TJAP1: variants seen among roughly 807,000 people sequenced by gnomAD.
TJAP1 encodes the protein tight junction associated protein 1, also known as tight junction-associated protein 1.
In TJAP1, 27 loss-of-function variants were observed where a neutral mutation model predicts 42.0. That is an observed-to-expected ratio of 0.64 (90% confidence interval 0.47 to 0.89). The LOEUF (loss-of-function observed/expected upper bound fraction) is 0.89. TJAP1 is among the 40% of genes least tolerant of loss of function. The pLI is 0.00. For synonymous variants in TJAP1, 257 were observed against 288.4 expected, an observed-to-expected ratio of 0.89 and a Z score of 1.10; for missense variants, 712 against 726.9, an observed-to-expected ratio of 0.98 and a Z score of 0.24.
In TJAP1 at chr6:43,504,898, G is replaced by A. The variant is rs770976188; in HGVS notation, c.717G>A (p.Pro239=). 2.0e-5 allele frequency: 32 copies of A among 1,614,094 alleles called. 1 individual carries two copies. Among genetic ancestry groups the A allele is most frequent in the Non-Finnish European group, 2.6e-5 (31 of 1,180,046 alleles). ...TCATTGCCCGAGTGTTAGAGAAGCC[G>A]GAGTCTCTACTGCTCAATTCAGCCC... The change falls in exon 11 of 11, where the codon CCG becomes CCA. Residue 239 remains proline, a synonymous_variant. Coordinates refer to ENST00000372449, the Ensembl canonical transcript of TJAP1.
At position 43,505,742 on chromosome 6, in the gene TJAP1, C is replaced by T. The variant is rs1204803647; in HGVS notation, c.1561C>T (p.Pro521Ser). 4 of 1,536,032 alleles carry T rather than the reference C, an allele frequency of 2.6e-6. No homozygotes were observed. Among genetic ancestry groups the T allele is most frequent in the Non-Finnish European group, 3.5e-6 (4 of 1,145,116 alleles). ...TTCCCACACCGAGGGCAGGGCCTGGCCACTCCCCAGCTCCAGTCGCCCCCA... is the reference window on the plus strand; with the variant it reads ...TTCCCACACCGAGGGCAGGGCCTGGTCACTCCCCAGCTCCAGTCGCCCCCA... Residue 521 changes from proline (P) to serine (S), a missense_variant, in exon 11 of 11, where the codon CCA becomes TCA. This residue lies in a region of TJAP1 where 549 missense variants were observed against 528.2 expected (regional missense o/e 1.04). Coordinates refer to ENST00000372449, the Ensembl canonical transcript of TJAP1. This position sits in a 1 kb window ranked among gnomAD's most constrained non-coding sequence, Gnocchi z 5.5.
rs776325976 is a variant in TJAP1 at position 43,505,702 on chromosome 6, G to C, written c.1521G>C (p.Glu507Asp). 4 of 1,594,026 alleles carry C rather than the reference G, an allele frequency of 2.5e-6. No homozygotes were observed. In the African/African-American group the frequency reaches 5.4e-5, roughly 21 times the overall value. The change falls in exon 11 of 11, where the codon GAG (glutamate) becomes GAC (aspartate). Residue 507 changes from glutamate (E) to aspartate (D), a missense_variant. By Grantham distance (45) the Glu-to-Asp change is conservative. Transcript: ENST00000372449. This position sits in a 1 kb window ranked among gnomAD's most constrained non-coding sequence, Gnocchi z 5.5. ...TGCTGCCCATTAACAGGGGCACAGA[G>C]GAGGGGCCAGGCACTTCCCACACCG...
intron 5 of TJAP1, 48 bp downstream of exon 5, chr6:43,500,820 C>T (rs1287483402): frequency 1.2e-6 from 2 of 1,607,954 alleles, no homozygotes; most frequent in Non-Finnish European, 1.7e-6. Context: ...CTCTGTCCCT[C>T]TTAGCTCCAG....
intron 2 of TJAP1, among the ~76,000 whole-genome samples, chr6:43,488,216 CAATATT>C (rs1379726880): frequency 2.0e-5 from 3 of 151,910 alleles, no homozygotes; most frequent in African/African-American, 4.9e-5. Context: ...CACCAAAACT[CAATATT>C]AATACAGACT....
chr6:43,501,702 GGC>G lies in TJAP1; in HGVS notation c.290+16_290+17del. ...AAGTTCCGCAGGTGTGGGAATGAGGGGCCAGACACACACACACACACACACAC... is the reference window on the plus strand; with the variant it reads ...AAGTTCCGCAGGTGTGGGAATGAGGGCAGACACACACACACACACACACAC... On this transcript the variant is annotated intron_variant, in intron 6 of 10. Transcript: ENST00000372449. 1 of 744,812 alleles carries G rather than the reference GGC, an allele frequency of 1.3e-6. No individual in the cohort carries two copies. Among genetic ancestry groups the G allele is most frequent in the Non-Finnish European group, 2.4e-6 (1 of 416,978 alleles). The allele number at this position is 744,812 out of a possible 1,614,324, so 46.1% of individuals were successfully genotyped here.
chr6:43,499,776 C>T (rs939376794), intron 4 of TJAP1, among the ~76,000 whole-genome samples: 23 of 152,252 alleles, frequency 1.5e-4, no homozygotes, highest in African/African-American at 4.8e-4. Context: ...GAACCTGAGA[C>T]GCAGCATGTG....
rs1451613073 is a variant in TJAP1, at chr6:43,502,827, A to G, written c.387+210A>G. 3 of 632,870 alleles carry G rather than the reference A, an allele frequency of 4.7e-6. No individual in the cohort carries two copies. The African/African-American group carries it at 5.5e-5, about 12-fold the overall frequency. 39.2% of individuals were successfully genotyped at this position (632,870 alleles called of 1,614,324 possible). A position where few individuals can be genotyped will look rare whatever the true frequency, so the allele number is the denominator to read the frequency against. On this transcript the variant is annotated intron_variant, in intron 8 of 10. Coordinates refer to ENST00000372449, the Ensembl canonical transcript of TJAP1. ...CTCTGCCCTTGGCTCTGGTAGAGGT[A>G]CTGATTGATGTCTCCACTGAACACC... is the stretch of plus-strand genomic sequence containing the variant.
At position 43,505,083 on chromosome 6, in the gene TJAP1, C is replaced by G. The variant is rs769267252; in HGVS notation, c.902C>G (p.Pro301Arg). The G allele has an allele frequency of 6.2e-7, 1 of 1,614,104 alleles. No homozygotes were observed. Among genetic ancestry groups the G allele is most frequent in the Admixed American group, 1.7e-5 (1 of 60,026 alleles). Residue 301 changes from proline to arginine, a missense_variant, in exon 11 of 11, where the codon CCG becomes CGG. By Grantham distance (103) the Pro-to-Arg change is moderately radical (BLOSUM62 -2). Around this residue, in one of 3 missense-constraint regions of TJAP1, gnomAD observed 549 missense variants for 528.2 expected, o/e 1.04. Coordinates refer to ENST00000372449, the Ensembl canonical transcript of TJAP1. This position sits in a 1 kb window ranked among gnomAD's most constrained non-coding sequence, Gnocchi z 5.5. ...TCTCTGGGTACTGCCAGGGGCTCCCCGGAGGAAGAGCTGCCCCTGCCAGCC... is the reference window on the plus strand; with the variant it reads ...TCTCTGGGTACTGCCAGGGGCTCCCGGGAGGAAGAGCTGCCCCTGCCAGCC...
intron 2 of TJAP1, among the ~76,000 whole-genome samples, chr6:43,480,992 T>G (rs1352873041): frequency 2.0e-5 from 3 of 152,176 alleles, no homozygotes; most frequent in Non-Finnish European, 2.9e-5. Context: ...TTTTTTTTCT[T>G]TAGGTTGGTA....
At chr6:43,486,729 C>T (rs549138639) in intron 2 of TJAP1, among the ~76,000 whole-genome samples, 1 of 152,232 alleles carries the variant, frequency 6.6e-6, no homozygotes, top group Non-Finnish European at 1.5e-5. Context: ...CTTTGTAATT[C>T]TCTATGCTGC....
At chr6:43,504,695 C>G (rs1053496394) in intron 10 of TJAP1, 66 bp from the exon 11 acceptor site, 3 of 1,561,962 alleles carry the variant, frequency 1.9e-6, no homozygotes, top group Non-Finnish European at 1.7e-6. Context: ...CCATTACTTT[C>G]GCCATGAGTC....
chr6:43,478,361 T>A (rs1390301054), intron 2 of TJAP1, 129 bp downstream of exon 2: 1 of 152,260 alleles, frequency 6.6e-6, no homozygotes, highest in African/African-American at 2.4e-5. Context: ...GTCCTTTGTC[T>A]GAGGTCCTTA....
In TJAP1 at chr6:43,487,248, C is replaced by T. The variant is rs536769510; in HGVS notation, c.-122+9016C>T. 1.5e-4 allele frequency among the ~76,000 whole-genome samples: 23 copies of T among 152,258 alleles called. No homozygotes were observed. In the South Asian group the frequency reaches 3.7e-3, roughly 25 times the overall value. ...AATACCATCCCTTGAGAGGAGGATC[C>T]GCCTACGGAGAAGCCATCCTAGACC... is the stretch of plus-strand genomic sequence containing the variant. On this transcript the variant is annotated intron_variant, in intron 2 of 10. Transcript: ENST00000372449.
intron 10 of TJAP1, chr6:43,503,922 G>C (rs1791600150): frequency 1.4e-6 from 1 of 705,962 alleles, no homozygotes; most frequent in South Asian, 1.5e-5. Context: ...CAGCCCTGTT[G>C]GTTTCTGTAA....
intron 4 of TJAP1, 108 bp from the exon 5 acceptor site, chr6:43,500,634 TAA>T: frequency 1.7e-6 from 2 of 1,207,248 alleles, no homozygotes; most frequent in South Asian, 1.2e-5. Context: ...TCTTCTGCTA[TAA>T]GAGTCTTTGG....
At chr6:43,501,413 C>A in intron 5 of TJAP1, 113 bp from the exon 6 acceptor site, 2 of 919,318 alleles carry the variant, frequency 2.2e-6, no homozygotes, top group East Asian at 2.4e-5. Context: ...TTTCCCTGTC[C>A]TGTTTGCCTG....
At chr6:43,503,647 C>A in exon 10 of TJAP1, 1 of 1,614,168 alleles carries the variant, frequency 6.2e-7, no homozygotes, top group South Asian at 1.1e-5. Context: ...GGACTGCAAC[C>A]TGGCTGTACA....
Position 43,499,201 on chromosome 6 carries a change from G to A in TJAP1, c.99+101G>A, listed in dbSNP as rs376445154. 3.9e-6 allele frequency: 6 copies of A among 1,538,808 alleles called. No individual in the cohort carries two copies. In the East Asian group the frequency reaches 7.1e-5, roughly 18 times the overall value. On this transcript the variant is annotated intron_variant, in intron 4 of 10. Transcript: ENST00000372449. ...GCCTGAGCTTCTGGTCCTGAGTTGG[G>A]GTGAGAGTGGGCCTTGCTGTTGCAG... is the stretch of plus-strand genomic sequence containing the variant.
At position 43,495,615 on chromosome 6, in the gene TJAP1, C is replaced by T. The variant is rs1446523943; in HGVS notation, c.-121-2266C>T. On this transcript the variant is annotated intron_variant, in intron 2 of 10. Coordinates refer to ENST00000372449, the Ensembl canonical transcript of TJAP1. The surrounding 1 kb of genome is among the most constrained non-coding windows in gnomAD (Gnocchi z 4.6). ...TTCCCATACCTGTAACTCTGACATG[C>T]GTGGAAAGAATAGGCTCTGGCAGAG... Among the ~76,000 whole-genome samples the T allele has an allele frequency of 6.6e-6, 1 of 152,130 alleles. No homozygotes were observed. The highest frequency in any genetic ancestry group is 2.1e-4 in the South Asian group (1 of 4,834).
Sources: gnomAD v4.1 joint callset for allele counts (sites outside exome capture counted in the v4.1 genomes callset) on GRCh38, gnomAD v4.1.1 for gene constraint, gnomAD v4.1.1 regional missense constraint, Gnocchi (gnomAD v3.1) non-coding constraint, MANE v1.5 for transcripts, NCBI Gene and HGNC (gene_info 2026-07-23, HGNC 2026-07-21) for gene names.